The following DDAH1 variants were observed in gnomAD, a reference collection of about 807,000 sequenced individuals.
The protein encoded by DDAH1 is N(G),N(G)-dimethylarginine dimethylaminohydrolase 1.
Under a neutral mutation model 28.8 loss-of-function variants are expected in DDAH1, and 19 were observed. The observed-to-expected ratio is 0.66, with a 90% CI of 0.46 to 0.97. The LOEUF (loss-of-function observed/expected upper bound fraction) is 0.97, where lower values mean the gene tolerates loss of function less well. Ranked by LOEUF, DDAH1 falls within the 50% of genes least tolerant of loss-of-function variation. The probability of loss-of-function intolerance (pLI) is 0.00; values close to 1 mark genes in which losing one functional copy is unlikely to be tolerated. For missense variants in DDAH1, 326 were observed against 375.9 expected (o/e 0.87, Z 1.10); for synonymous variants, 153 against 154.4 (o/e 0.99, Z 0.07).
At chr1:85,383,442 G>A (rs775249214) in intron 1 of DDAH1, among the ~76,000 whole-genome samples, 10 of 152,156 alleles carry the variant, frequency 6.6e-5, no homozygotes, top group East Asian at 1.9e-4. Context: ...CAAAGAAAGT[G>A]GTTTCTCAAG....
At chr1:85,443,329 A>T (rs1654284197) in intron 1 of DDAH1, among the ~76,000 whole-genome samples, 1 of 152,126 alleles carries the variant, frequency 6.6e-6, no homozygotes. Context: ...CAAAGATCAG[A>T]TGGTTGTAGA....
intron 1 of DDAH1, among the ~76,000 whole-genome samples, chr1:85,448,732 A>C (rs1055878963): frequency 1.3e-5 from 2 of 152,240 alleles, no homozygotes; most frequent in Non-Finnish European, 2.9e-5. Context: ...TTTATAAAAA[A>C]ACCCCACGAA....
chr1:85,339,463 T>C lies in DDAH1; in HGVS notation c.597+10952A>G, dbSNP rs368481606. On this transcript the variant is annotated intron_variant, in intron 4 of 5. Coordinates refer to ENST00000284031, the MANE Select transcript of DDAH1 (RefSeq NM_012137.4). ...GAACCATAGCTGAGAAAATGAGATT[T>C]AGAAATATTCTTAAAGATTATTGGA... Among the ~76,000 whole-genome samples, 33 of 152,308 alleles carry C rather than the reference T, an allele frequency of 2.2e-4. No homozygotes were observed. In the East Asian group the frequency reaches 2.7e-3, roughly 12 times the overall value.
chr1:85,465,404 A>G (rs1655335305), upstream of DDAH1, among the ~76,000 whole-genome samples: 1 of 152,042 alleles, frequency 6.6e-6, no homozygotes, highest in African/African-American at 2.4e-5. Flanking sequence ...AGCCACCGCT[A>G]CCCGGACCTG....
chr1:85,558,948 G>A (rs1659063149), intron 1 of DDAH1, among the ~76,000 whole-genome samples: 1 of 152,074 alleles, frequency 6.6e-6, no homozygotes, highest in Non-Finnish European at 1.5e-5. Context: ...CCTCCCAAAG[G>A]ATATACTATA....
chr1:85,387,546 T>C (rs1651340301), intron 1 of DDAH1, among the ~76,000 whole-genome samples: 2 of 152,200 alleles, frequency 1.3e-5, no homozygotes, highest in South Asian at 4.1e-4. Context: ...TTTGAGACCT[T>C]GTCAGCTGGG....
At chr1:85,327,223 C>A (rs1647460799) in intron 4 of DDAH1, among the ~76,000 whole-genome samples, 1 of 152,180 alleles carries the variant, frequency 6.6e-6, no homozygotes, top group African/African-American at 2.4e-5. Context: ...CCTGTAGTCA[C>A]CTCCTCAGGA....
chr1:85,342,458 T>G (rs1329758173), intron 4 of DDAH1, among the ~76,000 whole-genome samples: 1 of 152,112 alleles, frequency 6.6e-6, no homozygotes, highest in Non-Finnish European at 1.5e-5. Flanking sequence ...AAGCTTCCTG[T>G]TCTCAGAAAA....
chr1:85,451,299 A>G (rs1654662145), intron 1 of DDAH1, among the ~76,000 whole-genome samples: 1 of 152,204 alleles, frequency 6.6e-6, no homozygotes, highest in Non-Finnish European at 1.5e-5. Context: ...CACAGCCTCA[A>G]TCCTTAGGGG....
intron 1 of DDAH1, among the ~76,000 whole-genome samples, chr1:85,401,811 G>C (rs1652123525): frequency 6.6e-6 from 1 of 151,964 alleles, no homozygotes; most frequent in South Asian, 2.1e-4. Context: ...CTAAGAAGCA[G>C]CTTTTGAGCT....
At chr1:85,459,491 T>C (rs1655038143) in intron 1 of DDAH1, among the ~76,000 whole-genome samples, 1 of 152,158 alleles carries the variant, frequency 6.6e-6, no homozygotes, top group African/African-American at 2.4e-5. Flanking sequence ...CAAGGCCATG[T>C]AGAAGAGTCA....
chr1:85,325,667 C>T (rs1647351179), intron 4 of DDAH1, among the ~76,000 whole-genome samples: 1 of 151,340 alleles, frequency 6.6e-6, no homozygotes, highest in South Asian at 2.1e-4. Flanking sequence ...TATTAGTATC[C>T]TAGCATAAAA....
chr1:85,438,227 T>G (rs1296754879), intron 1 of DDAH1, among the ~76,000 whole-genome samples: 1 of 152,144 alleles, frequency 6.6e-6, no homozygotes, highest in Non-Finnish European at 1.5e-5. Context: ...ACTAACTTTA[T>G]GCTCAGTACC....
chr1:85,338,579 T>G (rs1018525209), intron 4 of DDAH1, among the ~76,000 whole-genome samples: 25 of 152,352 alleles, frequency 1.6e-4, no homozygotes, highest in Middle Eastern at 3.4e-3. Flanking sequence ...GCCAGTGTTC[T>G]CACAGCGTAT....
intron 1 of DDAH1, among the ~76,000 whole-genome samples, chr1:85,458,750 G>A (rs1655006692): frequency 6.6e-6 from 1 of 152,162 alleles, no homozygotes; most frequent in South Asian, 2.1e-4. Flanking sequence ...TATTTTGATG[G>A]AAGTTCAGAG....
intron 1 of DDAH1, among the ~76,000 whole-genome samples, chr1:85,441,030 C>A (rs1016156848): frequency 3.3e-5 from 5 of 152,228 alleles, no homozygotes; most frequent in Non-Finnish European, 7.3e-5. Flanking sequence ...AATAAAGTGG[C>A]ATGTCAGCCC....
In DDAH1 at chr1:85,576,855, C is replaced by T. The variant is rs539430790; in HGVS notation, c.-123+1129G>A. On this transcript the variant is annotated intron_variant, in intron 1 of 6. Coordinates refer to the DDAH1 transcript ENST00000426972. ...CGGGTCTACCCCGCCGCCCGCAACG[C>T]TCCGGGGTCCCGCGCGGAGGGAGGC... 5.2e-5 allele frequency: 8 copies of T among 153,020 alleles called. No homozygotes were observed. The East Asian group carries it at 1.2e-3, about 22-fold the overall frequency. The allele number at this position is 153,020 out of a possible 1,614,324, so 9.5% of individuals were successfully genotyped here.
rs567550591 is a variant in DDAH1 at position 85,556,266 on chromosome 1, C to T, written c.-123+21718G>A. ...GAACACTCCTGTCCAACATCCTCTGCCCCATTGCCATGACCTTTCATGACA... is the reference window on the plus strand; with the variant it reads ...GAACACTCCTGTCCAACATCCTCTGTCCCATTGCCATGACCTTTCATGACA... On this transcript the variant is annotated intron_variant, in intron 1 of 6. Transcript: ENST00000426972. Among the ~76,000 whole-genome samples the T allele has an allele frequency of 6.6e-5, 10 of 152,262 alleles. No homozygotes were observed. In the South Asian group the frequency reaches 1.9e-3, roughly 28 times the overall value.
intron 1 of DDAH1, among the ~76,000 whole-genome samples, chr1:85,502,655 C>T (rs942312620): frequency 2.6e-5 from 4 of 152,204 alleles, no homozygotes; most frequent in Non-Finnish European, 5.9e-5. Context: ...GCTGCTTCCA[C>T]CTATCCCCAC....
Sources: allele counts gnomAD v4.1 joint callset (sites outside exome capture counted in the v4.1 genomes callset), GRCh38; gene constraint gnomAD v4.1.1; transcripts MANE v1.5; gene names NCBI Gene and HGNC (gene_info 2026-07-23, HGNC 2026-07-21).